Variants in AGBL4 observed in about 807,000 individuals in gnomAD.
The protein encoded by AGBL4 is cytosolic carboxypeptidase 6.
AGBL4 carries 58 observed loss-of-function variants against 66.4 expected under a neutral mutation model. That is an observed-to-expected ratio of 0.87 (90% CI 0.71 to 1.09). AGBL4 has a LOEUF of 1.09. Ranked by LOEUF, AGBL4 falls within the 50% of genes least tolerant of loss-of-function variation. The pLI, the probability that AGBL4 is intolerant of heterozygous loss-of-function variation, is 0.00. For missense variants in AGBL4, 579 were observed against 631.0 expected (o/e 0.92, Z 0.88); for synonymous variants, 234 against 222.9 (o/e 1.05, Z -0.44).
chr1:48,818,189 A>G (rs763398790), intron 6 of AGBL4: 9 of 717,332 alleles, frequency 1.3e-5, no homozygotes, highest in Admixed American at 6.0e-5. Context: ...ATTCTCCTTC[A>G]GAAGCAAATG....
chr1:48,664,138 G>A (rs1489278116), intron 6 of AGBL4, among the ~76,000 whole-genome samples: 1 of 152,196 alleles, frequency 6.6e-6, no homozygotes, highest in African/African-American at 2.4e-5. Flanking sequence ...GGTATCCTGA[G>A]CAAAGCAAAG....
At chr1:49,628,043 A>G (rs1359189290) in intron 3 of AGBL4, among the ~76,000 whole-genome samples, 1 of 152,174 alleles carries the variant, frequency 6.6e-6, no homozygotes, top group Non-Finnish European at 1.5e-5. Flanking sequence ...CTCATAATTA[A>G]GAGTTCCAGA....
At chr1:49,430,392 A>AT (rs901143476) in intron 3 of AGBL4, among the ~76,000 whole-genome samples, 151 of 152,154 alleles carry the variant, frequency 9.9e-4, no homozygotes, top group African/African-American at 3.2e-3. Context: ...ATTATCATTG[A>AT]TTTTTTCTTT....
intron 3 of AGBL4, among the ~76,000 whole-genome samples, chr1:49,272,033 C>T (rs1158895613): frequency 6.6e-6 from 1 of 152,168 alleles, no homozygotes; most frequent in Admixed American, 6.5e-5. Context: ...GGCAGTGGTA[C>T]AATGAATGTT....
intron 3 of AGBL4, among the ~76,000 whole-genome samples, chr1:49,544,178 C>G (rs12062300): frequency 0.019 from 2,963 of 152,224 alleles, 108 homozygotes; most frequent in African/African-American, 0.068. Context: ...CTTACTTGTT[C>G]AAAGTAATAT....
At chr1:49,509,796 A>C (rs972031414) in intron 3 of AGBL4, among the ~76,000 whole-genome samples, 1 of 151,936 alleles carries the variant, frequency 6.6e-6, no homozygotes, top group Non-Finnish European at 1.5e-5. Context: ...TCATCCATAA[A>C]ATAGGGGTAA....
intron 3 of AGBL4, among the ~76,000 whole-genome samples, chr1:49,432,121 A>C (rs1477967343): frequency 2.6e-5 from 4 of 152,164 alleles, no homozygotes; most frequent in Non-Finnish European, 5.9e-5. Context: ...TTAGCAGGAG[A>C]CAAGATAAGG....
At chr1:49,800,845 T>A (rs968450892) in intron 2 of AGBL4, among the ~76,000 whole-genome samples, 2 of 127,970 alleles carry the variant, frequency 1.6e-5, no homozygotes, top group African/African-American at 3.0e-5. Flanking sequence ...TGTGTCTTTA[T>A]AGCAGCATGA....
chr1:48,557,434 T>C (rs1644336991), intron 11 of AGBL4, among the ~76,000 whole-genome samples: 1 of 152,128 alleles, frequency 6.6e-6, no homozygotes, highest in South Asian at 2.1e-4. Context: ...TAAAGTGACC[T>C]GGCTCTTCCC....
chr1:49,492,543 T>C (rs1055661953), intron 3 of AGBL4, among the ~76,000 whole-genome samples: 4 of 151,976 alleles, frequency 2.6e-5, no homozygotes, highest in East Asian at 1.9e-4. Context: ...AAGGACTTTA[T>C]TGTGATTGCA....
At chr1:48,973,222 T>C (rs1659053702) in intron 5 of AGBL4, among the ~76,000 whole-genome samples, 1 of 152,166 alleles carries the variant, frequency 6.6e-6, no homozygotes, top group South Asian at 2.1e-4. Flanking sequence ...ATGGCTATAA[T>C]TTTAAAATGC....
chr1:49,062,756 G>C (rs1644425618), intron 4 of AGBL4, among the ~76,000 whole-genome samples: 1 of 152,150 alleles, frequency 6.6e-6, no homozygotes, highest in Admixed American at 6.5e-5. Context: ...CCTTCACAGA[G>C]TAACTGGTTG....
chr1:49,910,501 T>C (rs1338159494), intron 1 of AGBL4, among the ~76,000 whole-genome samples: 1 of 151,920 alleles, frequency 6.6e-6, no homozygotes, highest in East Asian at 1.9e-4. Context: ...AGTTTTGCTG[T>C]AAAGGAGAAT....
At chr1:50,001,419 G>T (rs1214700503) in intron 1 of AGBL4, among the ~76,000 whole-genome samples, 3 of 53,156 alleles carry the variant, frequency 5.6e-5, no homozygotes, top group Admixed American at 3.4e-4. Context: ...AAAATAATTT[G>T]TGTGTGTGTG....
intron 3 of AGBL4, among the ~76,000 whole-genome samples, chr1:49,657,366 A>T (rs1646164054): frequency 6.6e-6 from 1 of 152,230 alleles, no homozygotes; most frequent in Non-Finnish European, 1.5e-5. Context: ...GAGGACACAA[A>T]CAAATGGAAG....
At chr1:49,865,931 GA>G in intron 1 of AGBL4, 2 of 408,482 alleles carry the variant, frequency 4.9e-6, no homozygotes, top group Non-Finnish European at 5.0e-6. Context: ...TGAAGGAGCT[GA>G]AAAACACAAC....
chr1:48,915,234 G>A (rs1349483771), intron 5 of AGBL4, among the ~76,000 whole-genome samples: 1 of 152,042 alleles, frequency 6.6e-6, no homozygotes, highest in East Asian at 1.9e-4. Context: ...ATCTTTTGTT[G>A]CATTTGGAAC....
At position 49,393,613 on chromosome 1, in the gene AGBL4, C is replaced by T. The variant is rs1644894947; in HGVS notation, c.283-147749G>A. 2.0e-5 allele frequency among the ~76,000 whole-genome samples: 3 copies of T among 151,910 alleles called. No individual in the cohort carries two copies. In the South Asian group the frequency reaches 6.2e-4, roughly 32 times the overall value. On this transcript the variant is annotated intron_variant, in intron 3 of 13. Coordinates refer to ENST00000371839, the MANE Select transcript of AGBL4 (RefSeq NM_032785.4). ...GGTATGAAAATATGCAGTTGGAGCA[C>T]AAAGGAAGAAACTACTAGCCCTGGT... is the stretch of plus-strand genomic sequence containing the variant.
At chr1:49,737,959 T>C (rs1367330445) in intron 2 of AGBL4, among the ~76,000 whole-genome samples, 1 of 152,218 alleles carries the variant, frequency 6.6e-6, no homozygotes, top group East Asian at 1.9e-4. Flanking sequence ...CTAGGGACTG[T>C]TGGTCAGTGG....
Sources: allele counts gnomAD v4.1 joint callset (sites outside exome capture counted in the v4.1 genomes callset), GRCh38; gene constraint gnomAD v4.1.1; transcripts MANE v1.5; gene names NCBI Gene and HGNC (gene_info 2026-07-23, HGNC 2026-07-21).